The following HDLBP variants were observed in gnomAD, a reference collection of about 807,000 sequenced individuals.
HDLBP encodes the protein vigilin.
HDLBP carries 30 observed loss-of-function variants against 137.3 expected under a neutral mutation model. That is an observed-to-expected ratio of 0.22 (90% confidence interval 0.16 to 0.30). The LOEUF is 0.30. Ranked by LOEUF, HDLBP falls within the 10% of genes least tolerant of loss-of-function variation. The pLI, the probability that HDLBP is intolerant of heterozygous loss-of-function variation, is 1.00. For missense variants in HDLBP, 1,119 were observed against 1,667.3 expected, an observed-to-expected ratio of 0.67 and a Z score of 5.73; for synonymous variants, 606 against 596.0, an observed-to-expected ratio of 1.02 and a Z score of -0.24.
At chr2:241,257,146 T>C (rs1437241625) in intron 5 of HDLBP, among the ~76,000 whole-genome samples, 1 of 152,254 alleles carries the variant, frequency 6.6e-6, no homozygotes, top group Non-Finnish European at 1.5e-5. Context: ...TGAAATTCTA[T>C]TTATAGCAAA....
intron 3 of HDLBP, 160 bp downstream of exon 3, chr2:241,266,634 G>C (rs540276119): frequency 1.3e-5 from 8 of 610,430 alleles, no homozygotes; most frequent in Non-Finnish European, 2.4e-5. Context: ...GCCCCTGCAC[G>C]CACAGCAATG....
chr2:241,267,295 T>C (rs2073750012), intron 2 of HDLBP, among the ~76,000 whole-genome samples: 1 of 152,206 alleles, frequency 6.6e-6, no homozygotes. Context: ...TGTTCAAAGC[T>C]GTCCTGGGCC....
chr2:241,229,116 C>T lies in HDLBP; in HGVS notation c.*485G>A, dbSNP rs2069416737. On this transcript the variant is annotated 3_prime_UTR_variant, in exon 28 of 28. Transcript: ENST00000310931. ...ACCCTGACACCTGTGCTGAGGCGCT[C>T]TGGCAGCTGGAGGAGGCTGATTGCA... is the stretch of plus-strand genomic sequence containing the variant. 6.0e-6 allele frequency: 1 copy of T among 165,438 alleles called. No individual in the cohort carries two copies. The highest frequency in any genetic ancestry group is 1.3e-5 in the Non-Finnish European group (1 of 75,614). 10.2% of individuals were successfully genotyped at this position (165,438 alleles called of 1,614,324 possible).
In HDLBP at chr2:241,255,119, AG is replaced by A; in HGVS notation, c.1119del (p.Trp374GlyfsTer51). ...SFTVSSVAAP[S>X]WLHRFIIGKK... ...TTGCCAATGATGAAACGGTGAAGCC[AG>A]GAAGGGGCGGCGACAGAGGAGACGG... On this transcript the variant is annotated frameshift_variant, in exon 9 of 28. Transcript: ENST00000310931. LOFTEE classifies it high-confidence loss of function. 1 of 1,614,188 alleles carries A rather than the reference AG, an allele frequency of 6.2e-7. No individual in the cohort carries two copies. The highest frequency in any genetic ancestry group is 8.5e-7 in the Non-Finnish European group (1 of 1,180,028).
chr2:241,288,249 T>C (rs925484058), intron 1 of HDLBP, among the ~76,000 whole-genome samples: 2 of 152,286 alleles, frequency 1.3e-5, no homozygotes, highest in East Asian at 3.9e-4. Context: ...GAATTAAAAT[T>C]TTTTTTTGTT....
chr2:241,262,362 T>C (rs1176518124), intron 5 of HDLBP, among the ~76,000 whole-genome samples: 1 of 152,178 alleles, frequency 6.6e-6, no homozygotes, highest in East Asian at 1.9e-4. Context: ...GTGGATTGCC[T>C]GAGCCCAGGA....
chr2:241,313,988 G>A (rs1158906359), intron 1 of HDLBP, among the ~76,000 whole-genome samples: 1 of 152,178 alleles, frequency 6.6e-6, no homozygotes, highest in Non-Finnish European at 1.5e-5. Context: ...AGCAGTAACA[G>A]GAAAGTTTAA....
chr2:241,231,291 C>T (rs1001444449), intron 24 of HDLBP: 34 of 171,908 alleles, frequency 2.0e-4, no homozygotes, highest in Non-Finnish European at 1.7e-4. Context: ...GGCTGAGGCA[C>T]GAGAATTGCT....
chr2:241,234,275 T>G (rs767863983), intron 23 of HDLBP, among the ~76,000 whole-genome samples: 96 of 152,114 alleles, frequency 6.3e-4, no homozygotes, highest in Non-Finnish European at 1.2e-3. Context: ...GGGGCCCCGC[T>G]CTCCTCATTT....
In HDLBP at chr2:241,230,837, G is replaced by A. The variant is rs750713684; in HGVS notation, c.3396C>T (p.Val1132=). Residue 1132 remains valine (V), a synonymous_variant, in exon 25 of 28, where the codon GTC becomes GTT. Coordinates refer to ENST00000310931, the MANE Select transcript of HDLBP (RefSeq NM_005336.6). This position sits in a 1 kb window ranked among gnomAD's most constrained non-coding sequence, Gnocchi z 5.0. The part of the protein sequence containing the change: ...GELEQMVSED[V]PLDHRVHARI... Reference sequence around the variant, plus strand: ...GGGCGTGAACGCGGTGGTCCAGCGGGACGTCCTCAGAAACCATCTGCTCAA... The same window carrying A: ...GGGCGTGAACGCGGTGGTCCAGCGGAACGTCCTCAGAAACCATCTGCTCAA... The A allele has an allele frequency of 3.1e-6, 5 of 1,614,208 alleles. No homozygotes were observed. The Admixed American group carries it at 8.3e-5, about 27-fold the overall frequency.
At position 241,248,101 on chromosome 2, in the gene HDLBP, G is replaced by A; in HGVS notation, c.1633C>T (p.Pro545Ser). The A allele has an allele frequency of 6.2e-7, 1 of 1,613,642 alleles. No individual in the cohort carries two copies. The highest frequency in any genetic ancestry group is 1.1e-5 in the South Asian group (1 of 91,068). ...ATGTCACTTTTTTGTGCTGGGTCTG[G>A]AAAGTTAATGATGACCTAGAACAAA... ...DKFPEVIINF[P>S]DPAQKSDIVQ... Residue 545 changes from proline to serine, a missense_variant, in exon 14 of 28, where the codon CCA (proline) becomes TCA (serine). Pro to Ser is a moderately conservative substitution (Grantham distance 74). Transcript: ENST00000310931.
chr2:241,234,819 C>T (rs554062765), intron 23 of HDLBP, among the ~76,000 whole-genome samples: 9 of 152,294 alleles, frequency 5.9e-5, no homozygotes, highest in East Asian at 1.9e-4. Context: ...GGGGGCCTCT[C>T]GCAACCTTGA....
At chr2:241,306,236 T>A (rs1478264944) in intron 1 of HDLBP, among the ~76,000 whole-genome samples, 6 of 150,910 alleles carry the variant, frequency 4.0e-5, no homozygotes, top group East Asian at 2.0e-4. Context: ...AAAAAAAAAA[T>A]GAAAAATGAA....
chr2:241,303,654 A>G (rs570557027), intron 1 of HDLBP, among the ~76,000 whole-genome samples: 49 of 152,302 alleles, frequency 3.2e-4, no homozygotes, highest in African/African-American at 1.1e-3. Context: ...CACACATTCA[A>G]CAGTCATCCA....
At chr2:241,286,670 G>A (rs1200003324) in intron 1 of HDLBP, among the ~76,000 whole-genome samples, 1 of 152,182 alleles carries the variant, frequency 6.6e-6, no homozygotes, top group Admixed American at 6.5e-5. Context: ...GCTGGGTCAC[G>A]GGTGCGCGTC....
chr2:241,271,285 T>C (rs2074017925), intron 1 of HDLBP, among the ~76,000 whole-genome samples: 1 of 152,240 alleles, frequency 6.6e-6, no homozygotes, highest in Non-Finnish European at 1.5e-5. Context: ...ACCTGGACTT[T>C]TAATTTTGTT....
chr2:241,251,357 G>A (rs1236772910), intron 11 of HDLBP, among the ~76,000 whole-genome samples: 2 of 152,220 alleles, frequency 1.3e-5, no homozygotes, highest in Non-Finnish European at 2.9e-5. Flanking sequence ...GTCACTTTGT[G>A]CCTACAGACT....
Position 241,238,043 on chromosome 2 carries a change from G to A in HDLBP, c.2749+606C>T, listed in dbSNP as rs879933619. On this transcript the variant is annotated intron_variant, in intron 20 of 27. Coordinates refer to ENST00000310931, the MANE Select transcript of HDLBP (RefSeq NM_005336.6). This position sits in a 1 kb window ranked among gnomAD's most constrained non-coding sequence, Gnocchi z 4.9. Reference sequence around the variant, plus strand: ...AGACTGATAACACAGAGTGGAGGGCGGGCATCTGATAACACAGAGTGGAGG... The same window carrying A: ...AGACTGATAACACAGAGTGGAGGGCAGGCATCTGATAACACAGAGTGGAGG... Among the ~76,000 whole-genome samples, 1 of 152,160 alleles carries A rather than the reference G, an allele frequency of 6.6e-6. No homozygotes were observed. Among genetic ancestry groups the A allele is most frequent in the Non-Finnish European group, 1.5e-5 (1 of 68,022 alleles).
chr2:241,248,487 C>T (rs1190297254), intron 12 of HDLBP, 139 bp from the exon 13 acceptor site: 11 of 692,314 alleles, frequency 1.6e-5, no homozygotes, highest in Admixed American at 4.3e-5. Flanking sequence ...CACCTCGTAG[C>T]ACCCCGGGAG....
Sources: allele counts gnomAD v4.1 joint callset (sites outside exome capture counted in the v4.1 genomes callset), GRCh38; gene constraint gnomAD v4.1.1; non-coding constraint Gnocchi (gnomAD v3.1); transcripts MANE v1.5; gene names NCBI Gene and HGNC (gene_info 2026-07-23, HGNC 2026-07-21).